TCEANC2: variants seen among roughly 807,000 people sequenced by gnomAD.
TCEANC2 encodes the protein transcription elongation factor A N-terminal and central domain containing 2.
In TCEANC2, 20 loss-of-function variants were observed where a neutral mutation model predicts 22.8. The ratio of observed to expected loss-of-function variants is 0.88; its 90% confidence interval spans 0.62 to 1.28. The LOEUF is 1.28. Ranked by LOEUF, TCEANC2 falls within the 50% of genes most tolerant of loss-of-function variation. TCEANC2 has a pLI of 0.00. For synonymous variants in TCEANC2, 84 were observed against 95.5 expected (o/e 0.88, Z 0.70); for missense variants, 251 against 249.7 (o/e 1.01, Z -0.03).
exon 5 of TCEANC2, chr1:54,111,300 T>A (rs1039850653): frequency 2.0e-5 from 3 of 152,210 alleles, no homozygotes; most frequent in Non-Finnish European, 2.9e-5. Context: ...GGCGCAGCTT[T>A]TATTAGTTTG....
intron 3 of TCEANC2, among the ~76,000 whole-genome samples, chr1:54,077,128 C>T (rs573770727): frequency 3.3e-5 from 5 of 152,170 alleles, no homozygotes; most frequent in African/African-American, 1.2e-4. Context: ...TCAGGGAGAA[C>T]AGGCTGGATT....
chr1:54,079,483 G>T (rs1280291529), intron 3 of TCEANC2, among the ~76,000 whole-genome samples: 1 of 152,186 alleles, frequency 6.6e-6, no homozygotes, highest in East Asian at 1.9e-4. Flanking sequence ...CCTTTCTGGA[G>T]GCTCTAGGGG....
In TCEANC2 at chr1:54,103,004, A is replaced by T. The variant is rs1658688420; in HGVS notation, c.*6531A>T. The T allele has an allele frequency of 6.6e-6, 1 of 152,440 alleles. No homozygotes were observed. Among genetic ancestry groups the T allele is most frequent in the Non-Finnish European group, 1.5e-5 (1 of 68,180 alleles). The allele number at this position is 152,440 out of a possible 1,614,324, so 9.4% of individuals were successfully genotyped here. A position where few individuals can be genotyped will look rare whatever the true frequency, so the allele number is the denominator to read the frequency against. On this transcript the variant is annotated 3_prime_UTR_variant, in exon 5 of 5. Coordinates refer to ENST00000234827, the MANE Select transcript of TCEANC2 (RefSeq NM_153035.3). ...TGGTAAGGGGTCTGAAAGGAATAAG[A>T]TTGGAAAATTGGAAACAAGGAGACC...
intron 2 of TCEANC2, among the ~76,000 whole-genome samples, chr1:54,066,446 G>A (rs1254380336): frequency 6.6e-6 from 1 of 152,080 alleles, no homozygotes; most frequent in African/African-American, 2.4e-5. Context: ...AAATAAAGCA[G>A]CCACAGGCTA....
In TCEANC2 at chr1:54,084,706, AC is replaced by A. The variant is rs1273309762; in HGVS notation, c.245-3890del. Reference sequence around the variant, plus strand: ...GCAAAACCCCGTCTCTACTAAAAATACAAAAATTAGCCAGGCATGGTGGCCA... The same window carrying A: ...GCAAAACCCCGTCTCTACTAAAAATAAAAAATTAGCCAGGCATGGTGGCCA... On this transcript the variant is annotated intron_variant, in intron 3 of 4. Coordinates refer to ENST00000234827, the MANE Select transcript of TCEANC2 (RefSeq NM_153035.3). Among the ~76,000 whole-genome samples, 2 of 152,150 alleles carry A rather than the reference AC, an allele frequency of 1.3e-5. 1 individual carries two copies. The highest frequency in any genetic ancestry group is 3.9e-4 in the East Asian group (2 of 5,186).
intron 3 of TCEANC2, among the ~76,000 whole-genome samples, chr1:54,086,458 G>A (rs773986804): frequency 1.3e-5 from 2 of 152,196 alleles, no homozygotes; most frequent in East Asian, 1.9e-4. Context: ...CTTAAAGGCC[G>A]AATGGAAGTT....
chr1:54,061,034 G>A (rs559082249), intron 2 of TCEANC2, among the ~76,000 whole-genome samples: 61 of 152,252 alleles, frequency 4.0e-4, no homozygotes, highest in African/African-American at 1.4e-3. Context: ...GCACCATAAA[G>A]GGACAGGAGG....
chr1:54,071,999 A>G (rs1658065391), intron 3 of TCEANC2, among the ~76,000 whole-genome samples: 1 of 151,914 alleles, frequency 6.6e-6, no homozygotes, highest in Non-Finnish European at 1.5e-5. Context: ...TTTTGTAGAG[A>G]TAGGGTCTCG....
At chr1:54,060,633 A>G (rs1657834231) in intron 2 of TCEANC2, among the ~76,000 whole-genome samples, 2 of 152,038 alleles carry the variant, frequency 1.3e-5, no homozygotes, top group African/African-American at 4.8e-5. Flanking sequence ...CATATAGACA[A>G]TAAGGGCTAA....
intron 3 of TCEANC2, 98 bp from the exon 4 acceptor site, chr1:54,088,499 A>G (rs1658380118): frequency 1.1e-6 from 1 of 934,912 alleles, no homozygotes; most frequent in Admixed American, 3.4e-5. Flanking sequence ...TGGGTGTGTG[A>G]ATGACTTTCT....
chr1:54,084,597 C>T (rs999506153), intron 3 of TCEANC2, among the ~76,000 whole-genome samples: 1 of 151,982 alleles, frequency 6.6e-6, no homozygotes, highest in African/African-American at 2.4e-5. Flanking sequence ...CTCGGTGGCT[C>T]ACACCTGTAA....
chr1:54,054,231 T>C (rs1657693574), intron 1 of TCEANC2, 150 bp from the exon 2 acceptor site: 15 of 1,437,972 alleles, frequency 1.0e-5, no homozygotes, highest in Non-Finnish European at 1.4e-5. Flanking sequence ...AAGATCTTTC[T>C]TTTAAAGAGA....
In TCEANC2 at chr1:54,096,149, T is replaced by C; in HGVS notation, c.439-136T>C. On this transcript the variant is annotated intron_variant, in intron 4 of 4. Coordinates refer to ENST00000234827, the MANE Select transcript of TCEANC2 (RefSeq NM_153035.3). The surrounding 1 kb of genome is among the most constrained non-coding windows in gnomAD (Gnocchi z 4.9). ...GTGGAATTAATTTGCTCTTCCTGTTTCTCTTGTGACAGGAAGTAGATGTCC... is the reference window on the plus strand; with the variant it reads ...GTGGAATTAATTTGCTCTTCCTGTTCCTCTTGTGACAGGAAGTAGATGTCC... 1 of 1,353,968 alleles carries C rather than the reference T, an allele frequency of 7.4e-7. No homozygotes were observed. Among genetic ancestry groups the C allele is most frequent in the South Asian group, 1.7e-5 (1 of 57,388 alleles). 83.9% of individuals were successfully genotyped at this position (1,353,968 alleles called of 1,614,324 possible). A position where few individuals can be genotyped will look rare whatever the true frequency, so the allele number is the denominator to read the frequency against.
At chr1:54,057,791 G>A (rs982265878) in intron 2 of TCEANC2, among the ~76,000 whole-genome samples, 6 of 152,230 alleles carry the variant, frequency 3.9e-5, no homozygotes, top group South Asian at 2.1e-4. Flanking sequence ...ATGACCTGGC[G>A]CCTGCCTGCC....
intron 3 of TCEANC2, among the ~76,000 whole-genome samples, chr1:54,080,615 T>C (rs1340303368): frequency 1.3e-5 from 2 of 152,246 alleles, no homozygotes; most frequent in African/African-American, 4.8e-5. Flanking sequence ...GTTTAGGTGT[T>C]GTCCCCTGAC....
At chr1:54,055,443 AC>A (rs1392290961) in intron 2 of TCEANC2, among the ~76,000 whole-genome samples, 1 of 152,194 alleles carries the variant, frequency 6.6e-6, no homozygotes, top group Non-Finnish European at 1.5e-5. Context: ...GTCATCCTGA[AC>A]CTTGCCTCTT....
chr1:54,064,368 A>G (rs1012297873), intron 2 of TCEANC2, among the ~76,000 whole-genome samples: 5 of 152,220 alleles, frequency 3.3e-5, no homozygotes, highest in Admixed American at 6.5e-5. Flanking sequence ...TTACTGAAGT[A>G]AGTACACTCC....
intron 3 of TCEANC2, among the ~76,000 whole-genome samples, chr1:54,083,506 G>GTAAT (rs1291024649): frequency 6.6e-6 from 1 of 152,166 alleles, no homozygotes; most frequent in East Asian, 1.9e-4. Flanking sequence ...GCCACAGAGA[G>GTAAT]GCCAAGTAAT....
intron 4 of TCEANC2, among the ~76,000 whole-genome samples, chr1:54,095,276 G>T (rs1658523138): frequency 6.6e-6 from 1 of 152,220 alleles, no homozygotes; most frequent in African/African-American, 2.4e-5. Flanking sequence ...TTTTGCCTCG[G>T]CTTTGACATA....
Sources: allele counts gnomAD v4.1 joint callset (sites outside exome capture counted in the v4.1 genomes callset), GRCh38; gene constraint gnomAD v4.1.1; non-coding constraint Gnocchi (gnomAD v3.1); transcripts MANE v1.5; gene names NCBI Gene and HGNC (gene_info 2026-07-23, HGNC 2026-07-21).